The following CCDC33 variants were observed in gnomAD, a reference collection of about 807,000 sequenced individuals.
CCDC33 encodes coiled-coil domain-containing protein 33.
A neutral mutation model predicts 91.9 loss-of-function variants in CCDC33; 94 were observed. The ratio of observed to expected loss-of-function variants is 1.02; its 90% CI spans 0.87 to 1.21. The LOEUF (loss-of-function observed/expected upper bound fraction) is 1.21. Among genes scored for constraint, CCDC33 ranks in the 50% most tolerant of loss-of-function variants. The pLI is 0.00. For synonymous variants in CCDC33, 396 were observed against 374.5 expected, an observed-to-expected ratio of 1.06 and a Z score of -0.66; for missense variants, 940 against 935.5, an observed-to-expected ratio of 1.00 and a Z score of -0.06.
intron 5 of CCDC33, among the ~76,000 whole-genome samples, chr15:74,270,075 A>G (rs1354986741): frequency 2.0e-5 from 3 of 152,184 alleles, no homozygotes; most frequent in African/African-American, 7.2e-5. Flanking sequence ...CAGAGATTCA[A>G]TCCTTTGAAT....
rs1476431343 is a variant in CCDC33, at chr15:74,335,107, G to A, written c.2139+19G>A. The A allele has an allele frequency of 1.3e-6, 2 of 1,565,438 alleles. No homozygotes were observed. Among genetic ancestry groups the A allele is most frequent in the Non-Finnish European group, 1.8e-6 (2 of 1,135,486 alleles). On this transcript the variant is annotated intron_variant, in intron 18 of 18. Coordinates refer to ENST00000398814, the MANE Select transcript of CCDC33 (RefSeq NM_025055.5). ...ACAGCCTGTGAGTGACCCCCCTGGA[G>A]TAGCTCCCAGGGGTTCAGGTGGTGG...
chr15:74,203,958 A>C (rs1322765358), intron 1 of CCDC33, among the ~76,000 whole-genome samples: 1 of 152,224 alleles, frequency 6.6e-6, no homozygotes, highest in Non-Finnish European at 1.5e-5. Flanking sequence ...GCACGGGTGA[A>C]GTCTCAGAGT....
Position 74,332,729 on chromosome 15 carries a change from A to G in CCDC33, c.1822A>G (p.Asn608Asp), listed in dbSNP as rs776062480. The G allele has an allele frequency of 6.2e-7, 1 of 1,614,182 alleles. No individual in the cohort carries two copies. The highest frequency in any genetic ancestry group is 1.7e-5 in the Admixed American group (1 of 60,024). The part of the protein sequence containing the change: ...SGLPLGSMGE[N>D]LPVELYSVLL... ...CCTTCCCTTGGGTTCTATGGGAGAG[A>G]ACCTGCCGGTTGAACTTTACTCGGT... The change falls in exon 16 of 19, where the codon AAC (asparagine) becomes GAC (aspartate). Residue 608 changes from asparagine (N) to aspartate (D), a missense_variant. Transcript: ENST00000398814.
chr15:74,258,642 G>A (rs2075939686), intron 2 of CCDC33, among the ~76,000 whole-genome samples: 1 of 152,158 alleles, frequency 6.6e-6, no homozygotes, highest in Non-Finnish European at 1.5e-5. Flanking sequence ...GCATGCATTT[G>A]TGCGCATGTG....
chr15:74,211,454 G>A (rs1334475998), intron 2 of CCDC33, among the ~76,000 whole-genome samples: 6 of 140,260 alleles, frequency 4.3e-5, no homozygotes, highest in African/African-American at 1.3e-4. Context: ...AGGCTGGAGT[G>A]CAATGGTGCT....
At chr15:74,286,527 C>G (rs2059477740) in intron 10 of CCDC33, among the ~76,000 whole-genome samples, 1 of 152,142 alleles carries the variant, frequency 6.6e-6, no homozygotes, top group Non-Finnish European at 1.5e-5. Flanking sequence ...CTGGGCTGAC[C>G]TTGTGGATTG....
chr15:74,272,823 C>T lies in CCDC33; in HGVS notation c.691C>T (p.Leu231=), dbSNP rs1405433803. 7 of 1,614,128 alleles carry T rather than the reference C, an allele frequency of 4.3e-6. No individual in the cohort carries two copies. The highest frequency in any genetic ancestry group is 5.9e-6 in the Non-Finnish European group (7 of 1,180,040). Residue 231 remains leucine, a synonymous_variant, in exon 7 of 19, where the codon CTG becomes TTG. Coordinates refer to ENST00000398814, the MANE Select transcript of CCDC33 (RefSeq NM_025055.5). ...LASVGLPITP[L]SFPIPSMMNF... ...CTCTGTGGGGCTGCCCATCACCCCA[C>T]TGTCCTTCCCTATCCCGTCCATGAT... is the stretch of plus-strand genomic sequence containing the variant.
exon 1 of CCDC33, chr15:74,217,404 C>T: frequency 7.8e-7 from 1 of 1,289,814 alleles, no homozygotes; most frequent in Non-Finnish European, 1.0e-6. Context: ...TAGATACGCC[C>T]TGAGACTGTC....
intron 2 of CCDC33, among the ~76,000 whole-genome samples, chr15:74,230,804 C>T (rs2074947371): frequency 6.6e-6 from 1 of 152,218 alleles, no homozygotes. Flanking sequence ...ACAGAGCCTG[C>T]TGGTAGACCT....
intron 2 of CCDC33, among the ~76,000 whole-genome samples, chr15:74,222,164 C>A (rs2074616308): frequency 6.6e-6 from 1 of 152,196 alleles, no homozygotes. Context: ...CTCTCAGAGG[C>A]CACAACGCTT....
intron 2 of CCDC33, among the ~76,000 whole-genome samples, chr15:74,252,527 G>A (rs542098857): frequency 1.4e-4 from 22 of 152,354 alleles, no homozygotes; most frequent in African/African-American, 4.8e-4. Context: ...TGGTTCTAAC[G>A]GTGCAGTCCT....
intron 5 of CCDC33, among the ~76,000 whole-genome samples, chr15:74,269,358 C>A (rs1050437872): frequency 2.0e-5 from 3 of 152,188 alleles, no homozygotes; most frequent in Admixed American, 6.5e-5. Flanking sequence ...AGGAAGCATT[C>A]TTTTGCCTTC....
chr15:74,322,307 C>T (rs1329164277), intron 11 of CCDC33, among the ~76,000 whole-genome samples: 5 of 152,176 alleles, frequency 3.3e-5, no homozygotes, highest in African/African-American at 7.2e-5. Flanking sequence ...CGGGCAGGGG[C>T]GGGAGCAGCC....
chr15:74,318,579 T>C (rs1216105281), intron 11 of CCDC33: 1 of 728,710 alleles, frequency 1.4e-6, no homozygotes. Context: ...ACAGGACTGC[T>C]AGCAGTAAAG....
Position 74,332,838 on chromosome 15 carries a change from C to T in CCDC33, c.1931C>T (p.Ala644Val), listed in dbSNP as rs760881429. ...GCCCCCATCATTCTGCAGCAACAGG[C>T]CCTGCCGGTAAGAGGCCCTTGACCT... is the stretch of plus-strand genomic sequence containing the variant. ...QQAPIILQQQALPDLLSGTSD... is the reference protein window; with the variant it reads ...QQAPIILQQQVLPDLLSGTSD... The change falls in exon 16 of 19, where the codon GCC becomes GTC. Residue 644 changes from alanine to valine, a missense_variant. Ala to Val is a moderately conservative substitution (Grantham distance 64). Transcript: ENST00000398814. 6.2e-7 allele frequency: 1 copy of T among 1,613,806 alleles called. No individual in the cohort carries two copies. The highest frequency in any genetic ancestry group is 2.2e-5 in the East Asian group (1 of 44,898).
At chr15:74,296,971 C>T (rs938999493) in intron 11 of CCDC33, among the ~76,000 whole-genome samples, 14 of 152,240 alleles carry the variant, frequency 9.2e-5, no homozygotes, top group Admixed American at 9.2e-4. Context: ...GACAAGGCCA[C>T]CAGTCCACAG....
intron 2 of CCDC33, among the ~76,000 whole-genome samples, chr15:74,257,454 C>A (rs2075901979): frequency 6.6e-6 from 1 of 152,206 alleles, no homozygotes; most frequent in African/African-American, 2.4e-5. Flanking sequence ...CTGGGCACAA[C>A]CCCCTGCCCA....
chr15:74,318,248 C>G, intron 11 of CCDC33, among the ~76,000 whole-genome samples: 1 of 151,600 alleles, frequency 6.6e-6, no homozygotes, highest in East Asian at 1.9e-4. Context: ...TGGAGAAGAG[C>G]GGAGGGAGTT....
intron 14 of CCDC33, 36 bp from the exon 15 acceptor site, chr15:74,331,167 C>G: frequency 6.2e-7 from 1 of 1,613,866 alleles, no homozygotes; most frequent in Non-Finnish European, 8.5e-7. Flanking sequence ...GAGTAGGGAG[C>G]CCCTGGGCCA....
Sources: allele counts gnomAD v4.1 joint callset (sites outside exome capture counted in the v4.1 genomes callset), GRCh38; gene constraint gnomAD v4.1.1; transcripts MANE v1.5; gene names NCBI Gene and HGNC (gene_info 2026-07-23, HGNC 2026-07-21).